The following VMP1 variants were observed in gnomAD, a reference collection of about 807,000 sequenced individuals.
The protein encoded by VMP1 is ectopic P-granules autophagy protein 3 homolog.
Under a neutral mutation model 56.0 loss-of-function variants are expected in VMP1, and 11 were observed. The ratio of observed to expected loss-of-function variants is 0.20; its 90% CI spans 0.12 to 0.32. VMP1 has a LOEUF of 0.32. VMP1 is among the 10% of genes least tolerant of loss of function. The pLI, the probability that VMP1 is intolerant of heterozygous loss-of-function variation, is 1.00. For missense variants in VMP1, 296 were observed against 490.3 expected, an observed-to-expected ratio of 0.60 and a Z score of 3.74; for synonymous variants, 149 against 165.0, an observed-to-expected ratio of 0.90 and a Z score of 0.74.
chr17:59,826,826 C>T (rs2038659580), intron 10 of VMP1, among the ~76,000 whole-genome samples: 1 of 152,144 alleles, frequency 6.6e-6, no homozygotes, highest in African/African-American at 2.4e-5. Flanking sequence ...AGAAGGGGGA[C>T]ACTCCTGAGG....
At chr17:59,805,158 A>T (rs763563103) in intron 7 of VMP1, among the ~76,000 whole-genome samples, 12 of 152,202 alleles carry the variant, frequency 7.9e-5, no homozygotes, top group Non-Finnish European at 1.6e-4. Flanking sequence ...ACGTGTTCGG[A>T]TAGATTAACT....
At chr17:59,710,229 A>G (rs1224592839) in intron 1 of VMP1, among the ~76,000 whole-genome samples, 1 of 152,126 alleles carries the variant, frequency 6.6e-6, no homozygotes, top group Non-Finnish European at 1.5e-5. Context: ...TTTCACTGAA[A>G]CCAATATTTA....
At chr17:59,832,424 G>T (rs1041677620) in intron 10 of VMP1, among the ~76,000 whole-genome samples, 7 of 151,170 alleles carry the variant, frequency 4.6e-5, no homozygotes, top group Non-Finnish European at 8.9e-5. Context: ...TTCTTTTTTT[G>T]TTTTTCTAAG....
rs553518773 is a variant in VMP1 at position 59,724,095 on chromosome 17, C to G, written c.-26-7326C>G. On this transcript the variant is annotated intron_variant, in intron 1 of 11. Coordinates refer to ENST00000262291, the MANE Select transcript of VMP1 (RefSeq NM_030938.5). ...GACATGTTAGCATGTTCCTGTAGTT[C>G]CAGCTGCTCGGGAGGCTGAAGTGGG... is the stretch of plus-strand genomic sequence containing the variant. Among the ~76,000 whole-genome samples the G allele has an allele frequency of 2.0e-5, 3 of 151,858 alleles. No individual in the cohort carries two copies. The East Asian group carries it at 5.8e-4, about 30-fold the overall frequency.
intron 7 of VMP1, among the ~76,000 whole-genome samples, chr17:59,787,987 A>C (rs1378482573): frequency 6.6e-6 from 1 of 152,202 alleles, no homozygotes; most frequent in Non-Finnish European, 1.5e-5. Context: ...ACAATAATGA[A>C]GTTTGAAATT....
At chr17:59,795,038 CTCAAG>C (rs2037387437) in intron 7 of VMP1, among the ~76,000 whole-genome samples, 1 of 133,486 alleles carries the variant, frequency 7.5e-6, no homozygotes, top group South Asian at 2.4e-4. Flanking sequence ...GCCCTTGTCG[CTCAAG>C]CTGGAATGTA....
intron 1 of VMP1, among the ~76,000 whole-genome samples, chr17:59,713,683 C>CTT (rs3064256): frequency 1.8e-4 from 20 of 108,682 alleles, no homozygotes; most frequent in African/African-American, 3.2e-4. Context: ...CCCCATCTCT[C>CTT]TTTTTTTTTT....
chr17:59,817,674 G>T (rs1485372675), intron 9 of VMP1, 38 bp from the exon 10 acceptor site: 1 of 1,488,688 alleles, frequency 6.7e-7, no homozygotes, highest in Admixed American at 1.8e-5. Context: ...GTTTTTTGAT[G>T]ACTAAATAAT....
chr17:59,734,987 C>G (rs190572506), intron 2 of VMP1, among the ~76,000 whole-genome samples: 48 of 140,608 alleles, frequency 3.4e-4, no homozygotes, highest in Middle Eastern at 7.2e-3. Flanking sequence ...TCTCAGTTCA[C>G]TGCAACCTCT....
intron 5 of VMP1, among the ~76,000 whole-genome samples, chr17:59,755,638 A>G (rs1598345068): frequency 6.6e-6 from 1 of 152,132 alleles, no homozygotes; most frequent in African/African-American, 2.4e-5. Flanking sequence ...GAAGTTACCA[A>G]CAGTAATTTA....
chr17:59,791,179 GT>G (rs1162395367), intron 7 of VMP1, among the ~76,000 whole-genome samples: 4 of 117,702 alleles, frequency 3.4e-5, no homozygotes, highest in African/African-American at 8.5e-5. Flanking sequence ...ACTGCTCCCA[GT>G]TCCCTTTTTT....
chr17:59,839,941 G>A lies in VMP1; in HGVS notation c.*30G>A. ...AGAAAGTTTTAAACTGCAGAAATTG[G>A]AGTGGATGGGTTCTGCCTTAAATTG... On this transcript the variant is annotated 3_prime_UTR_variant, in exon 12 of 12. Coordinates refer to ENST00000262291, the MANE Select transcript of VMP1 (RefSeq NM_030938.5). 6.2e-7 allele frequency: 1 copy of A among 1,606,956 alleles called. No homozygotes were observed. Among genetic ancestry groups the A allele is most frequent in the South Asian group, 1.1e-5 (1 of 89,398 alleles).
intron 9 of VMP1, among the ~76,000 whole-genome samples, chr17:59,812,093 A>C (rs369650081): frequency 6.6e-6 from 1 of 152,178 alleles, no homozygotes; most frequent in Non-Finnish European, 1.5e-5. Flanking sequence ...GTTTGTGTGC[A>C]GAAAGATGCA....
chr17:59,784,593 C>T (rs1346267376), intron 7 of VMP1, among the ~76,000 whole-genome samples: 2 of 152,134 alleles, frequency 1.3e-5, no homozygotes, highest in African/African-American at 4.8e-5. Context: ...TTTGTATTTT[C>T]AACAATGCCT....
At chr17:59,737,721 A>G (rs576981057) in intron 4 of VMP1, among the ~76,000 whole-genome samples, 178 bp downstream of exon 4, 2 of 152,076 alleles carry the variant, frequency 1.3e-5, no homozygotes, top group Non-Finnish European at 2.9e-5. Context: ...GTGATGTTTT[A>G]TGGCTGCTGA....
At chr17:59,816,757 C>G (rs2038247421) in intron 9 of VMP1, among the ~76,000 whole-genome samples, 1 of 148,842 alleles carries the variant, frequency 6.7e-6, no homozygotes, top group Admixed American at 6.7e-5. Context: ...GGCCTCCTGG[C>G]CAGCATGGTG....
intron 10 of VMP1, among the ~76,000 whole-genome samples, chr17:59,832,344 T>C (rs1204512667): frequency 6.6e-6 from 1 of 151,746 alleles, no homozygotes; most frequent in Non-Finnish European, 1.5e-5. Context: ...TTTATATTTT[T>C]AGTAGAGACA....
At chr17:59,760,062 C>T (rs1369658686) in intron 5 of VMP1, among the ~76,000 whole-genome samples, 1 of 150,104 alleles carries the variant, frequency 6.7e-6, no homozygotes, top group Non-Finnish European at 1.5e-5. Context: ...AGTCAAGACT[C>T]CACTGAGCTG....
At chr17:59,835,496 T>G (rs983395895) in intron 10 of VMP1, among the ~76,000 whole-genome samples, 9 of 150,236 alleles carry the variant, frequency 6.0e-5, no homozygotes, top group Admixed American at 2.6e-4. Context: ...GTTTTTTGTT[T>G]TTTTTTTTTT....
Sources: allele counts gnomAD v4.1 joint callset (sites outside exome capture counted in the v4.1 genomes callset), GRCh38; gene constraint gnomAD v4.1.1; transcripts MANE v1.5; gene names NCBI Gene and HGNC (gene_info 2026-07-23, HGNC 2026-07-21).